Variants in NFU1 observed in about 807,000 individuals in gnomAD.
The protein encoded by NFU1 is NFU1 iron-sulfur cluster scaffold, also known as NFU1 iron-sulfur cluster scaffold homolog, mitochondrial.
NFU1 carries 30 observed loss-of-function variants against 32.2 expected under a neutral mutation model. The ratio of observed to expected loss-of-function variants is 0.93; its 90% CI spans 0.70 to 1.26. The LOEUF (loss-of-function observed/expected upper bound fraction) is 1.26. NFU1 is among the 50% of genes most tolerant of loss of function. The pLI is 0.00. For synonymous variants in NFU1, 112 were observed against 104.6 expected (o/e 1.07, Z -0.43); for missense variants, 306 against 306.6 (o/e 1.00, Z 0.02).
At chr2:69,427,125 C>T (rs1673484824) in intron 2 of NFU1, among the ~76,000 whole-genome samples, 1 of 150,526 alleles carries the variant, frequency 6.6e-6, no homozygotes, top group Non-Finnish European at 1.5e-5. Flanking sequence ...GTGGCTCACG[C>T]CTATAATCCT....
At chr2:69,413,204 G>C (rs1672944406) in intron 5 of NFU1, among the ~76,000 whole-genome samples, 1 of 151,366 alleles carries the variant, frequency 6.6e-6, no homozygotes, top group Admixed American at 6.6e-5. Context: ...AGAATCGCTT[G>C]AACCCAGGAG....
Position 69,396,206 on chromosome 2 carries a change from A to G in NFU1, c.*40T>C, listed in dbSNP as rs1309931897. ...AATAAAAACTTGATATATATTATCA[A>G]CAAGTCTGACTGTTATGCCCAAAGA... On this transcript the variant is annotated 3_prime_UTR_variant, in exon 8 of 8. Coordinates refer to ENST00000410022, the MANE Select transcript of NFU1 (RefSeq NM_001002755.4). The G allele has an allele frequency of 6.5e-7, 1 of 1,529,366 alleles. No individual in the cohort carries two copies. Among genetic ancestry groups the G allele is most frequent in the African/African-American group, 1.4e-5 (1 of 73,122 alleles). 94.7% of individuals were successfully genotyped at this position (1,529,366 alleles called of 1,614,324 possible).
At chr2:69,435,127 C>T (rs527406447) in intron 1 of NFU1, among the ~76,000 whole-genome samples, 126 of 152,346 alleles carry the variant, frequency 8.3e-4, no homozygotes, top group African/African-American at 2.9e-3. Context: ...AGGCTCCTCT[C>T]ATCCTCCAAA....
At chr2:69,420,886 C>T (rs1673216016) in intron 3 of NFU1, among the ~76,000 whole-genome samples, 2 of 152,150 alleles carry the variant, frequency 1.3e-5, no homozygotes, top group Non-Finnish European at 2.9e-5. Context: ...CACGCATACA[C>T]ACACATAATG....
chr2:69,399,151 T>C (rs1042232800), intron 7 of NFU1: 1 of 247,864 alleles, frequency 4.0e-6, no homozygotes, highest in African/African-American at 2.4e-5. Context: ...GAGGTTGCAG[T>C]GAGCCGAGAT....
chr2:69,397,349 T>G (rs942817429), intron 7 of NFU1, among the ~76,000 whole-genome samples: 1 of 152,176 alleles, frequency 6.6e-6, no homozygotes, highest in Non-Finnish European at 1.5e-5. Context: ...ACAACAGCTA[T>G]TATCTTTCCA....
upstream of NFU1, among the ~76,000 whole-genome samples, chr2:69,438,894 A>AACCCCCCACCC: frequency 3.1e-5 from 1 of 32,628 alleles, no homozygotes; most frequent in Non-Finnish European, 5.9e-5. Context: ...TCCCCCATCC[A>AACCCCCCACCC]ACCCCCCACC....
chr2:69,402,796 T>C (rs1672565945), intron 6 of NFU1, among the ~76,000 whole-genome samples: 1 of 151,878 alleles, frequency 6.6e-6, no homozygotes, highest in South Asian at 2.1e-4. Flanking sequence ...TTGGTCAGGG[T>C]GGTCTCGAAC....
Position 69,406,528 on chromosome 2 carries a change from A to G in NFU1, c.485-446T>C, listed in dbSNP as rs193245221. On this transcript the variant is annotated intron_variant, in intron 5 of 7. Transcript: ENST00000410022. ...TTTACTGGTTTTCAAAATGCCAGCC[A>G]TACTAAATATAGATGTAAGCCTTCT... 3.5e-3 allele frequency among the ~76,000 whole-genome samples: 531 copies of G among 152,334 alleles called. 3 individuals are homozygous for G. The highest frequency in any genetic ancestry group is 0.012 in the African/African-American group (514 of 41,570).
intron 7 of NFU1, chr2:69,399,488 G>T (rs954487123): frequency 2.6e-6 from 1 of 387,882 alleles, no homozygotes; most frequent in African/African-American, 2.1e-5. Context: ...TGGGCTTCTT[G>T]CTTGCATATT....
At chr2:69,416,299 ATATAAT>A (rs1227659478) in intron 4 of NFU1, 2 of 147,702 alleles carry the variant, frequency 1.4e-5, no homozygotes, top group Non-Finnish European at 3.0e-5. Context: ...ATTATTAATA[ATATAAT>A]TATAATTTAT....
chr2:69,438,799 T>C (rs1302035230), upstream of NFU1, among the ~76,000 whole-genome samples: 1 of 151,990 alleles, frequency 6.6e-6, no homozygotes, highest in Admixed American at 6.6e-5. Flanking sequence ...CTGTGCCTCC[T>C]ACGAGTTTGG....
At chr2:69,434,511 C>G (rs920416219) in intron 1 of NFU1, among the ~76,000 whole-genome samples, 10 of 151,908 alleles carry the variant, frequency 6.6e-5, no homozygotes, top group African/African-American at 2.2e-4. Context: ...AAACTGAAAA[C>G]AAAGGAAGAA....
At chr2:69,407,968 G>A (rs535180729) in intron 5 of NFU1, among the ~76,000 whole-genome samples, 13 of 148,478 alleles carry the variant, frequency 8.8e-5, no homozygotes, top group Admixed American at 3.4e-4. Context: ...AGCCGAGATC[G>A]CACCACCGCA....
intron 4 of NFU1, 64 bp downstream of exon 4, chr2:69,419,474 G>A: frequency 1.3e-6 from 1 of 778,218 alleles, no homozygotes. Context: ...TGGAGAGAGA[G>A]GCATTGGACT....
At chr2:69,429,294 C>A (rs1321912910) in intron 2 of NFU1, among the ~76,000 whole-genome samples, 1 of 152,126 alleles carries the variant, frequency 6.6e-6, no homozygotes, top group African/African-American at 2.4e-5. Flanking sequence ...CTGGGTGCAT[C>A]AGCTCACACC....
At chr2:69,396,459 C>T (rs1267123094) in intron 7 of NFU1, among the ~76,000 whole-genome samples, 169 bp from the exon 8 acceptor site, 2 of 152,006 alleles carry the variant, frequency 1.3e-5, no homozygotes, top group Non-Finnish European at 2.9e-5. Flanking sequence ...GAATCATAAC[C>T]CGGTATCCTA....
At chr2:69,408,752 AT>A (rs1672784146) in intron 5 of NFU1, among the ~76,000 whole-genome samples, 1 of 132,304 alleles carries the variant, frequency 7.6e-6, no homozygotes, top group African/African-American at 3.2e-5. Context: ...ATATATATAT[AT>A]ATATATATAT....
intron 5 of NFU1, among the ~76,000 whole-genome samples, chr2:69,410,495 C>CT (rs1373185541): frequency 1.3e-5 from 2 of 152,202 alleles, no homozygotes; most frequent in Non-Finnish European, 2.9e-5. Context: ...CACTTACTAC[C>CT]TGTGTGACCT....
Sources: gnomAD v4.1 joint callset for allele counts (sites outside exome capture counted in the v4.1 genomes callset) on GRCh38, gnomAD v4.1.1 for gene constraint, MANE v1.5 for transcripts, NCBI Gene and HGNC (gene_info 2026-07-23, HGNC 2026-07-21) for gene names.